Variants in PRPF4 observed in about 807,000 individuals in gnomAD.
The protein encoded by PRPF4 is U4/U6 small nuclear ribonucleoprotein Prp4.
PRPF4 carries 14 observed loss-of-function variants against 72.2 expected under a neutral mutation model. That is an observed-to-expected ratio of 0.19 (90% CI 0.13 to 0.30). The LOEUF (loss-of-function observed/expected upper bound fraction) is 0.30. Among genes scored for constraint, PRPF4 ranks in the 10% least tolerant of loss-of-function variants. PRPF4 has a pLI of 1.00. For missense variants in PRPF4, 478 were observed against 653.9 expected (o/e 0.73, Z 2.93); for synonymous variants, 225 against 232.2 (o/e 0.97, Z 0.28).
chr9:113,281,303 T>C (rs2118604618), intron 3 of PRPF4, among the ~76,000 whole-genome samples: 1 of 152,346 alleles, frequency 6.6e-6, no homozygotes, highest in African/African-American at 2.4e-5. Flanking sequence ...ATTAGCCTTT[T>C]CAAAGGGTAT....
At chr9:113,285,013 G>C (rs929087413) in intron 7 of PRPF4, among the ~76,000 whole-genome samples, 2 of 151,996 alleles carry the variant, frequency 1.3e-5, no homozygotes, top group African/African-American at 4.8e-5. Flanking sequence ...TACTTGACTA[G>C]GCTGACCTTT....
chr9:113,282,992 G>A (rs16932083), intron 4 of PRPF4, 140 bp from the exon 5 acceptor site: 108,348 of 1,479,416 alleles, frequency 0.073, 4,999 homozygotes, highest in South Asian at 0.16. Flanking sequence ...AAAAAATTCA[G>A]TAGAAAGTCC....
At chr9:113,276,479 A>G in intron 1 of PRPF4, 69 bp from the exon 2 acceptor site, 1 of 1,550,042 alleles carries the variant, frequency 6.5e-7, no homozygotes, top group African/African-American at 1.4e-5. Flanking sequence ...GGTGAGCTTC[A>G]TCCTCTGGTG....
Position 113,290,517 on chromosome 9 carries a change from G to A in PRPF4, c.1074G>A (p.Leu358=), listed in dbSNP as rs1832576684. 1 of 1,614,238 alleles carries A rather than the reference G, an allele frequency of 6.2e-7. No individual in the cohort carries two copies. The highest frequency in any genetic ancestry group is 8.5e-7 in the Non-Finnish European group (1 of 1,180,038). ...ATTTGGAGGCTCAAGAGGAGATCCT[G>A]CATCAGGAAGGCCATAGCATGGGTG... ...LWDLEAQEEI[L]HQEGHSMGVY... Residue 358 remains leucine (L), a synonymous_variant, in exon 11 of 14, where the codon CTG becomes CTA. Transcript: ENST00000374198.
intron 6 of PRPF4, among the ~76,000 whole-genome samples, chr9:113,284,054 C>G (rs1832361103): frequency 7.7e-6 from 1 of 129,266 alleles, no homozygotes; most frequent in Admixed American, 8.7e-5. Context: ...GGCAACACAG[C>G]AAGACTCTGT....
At position 113,278,870 on chromosome 9, in the gene PRPF4, A is replaced by G. The variant is rs1192793077; in HGVS notation, c.206-75A>G. 3 of 1,467,770 alleles carry G rather than the reference A, an allele frequency of 2.0e-6. No individual in the cohort carries two copies. The South Asian group carries it at 3.5e-5, about 17-fold the overall frequency. The allele number at this position is 1,467,770 out of a possible 1,614,324, so 90.9% of individuals were successfully genotyped here. Reference sequence around the variant, plus strand: ...GTTACTTTTCCCTCAGGGCATACACAGACTGCAATTACTAGAAATTATTTC... The same window carrying G: ...GTTACTTTTCCCTCAGGGCATACACGGACTGCAATTACTAGAAATTATTTC... On this transcript the variant is annotated intron_variant, in intron 2 of 13. Transcript: ENST00000374198.
Position 113,291,501 on chromosome 9 carries a change from T to A in PRPF4, c.1407T>A (p.Tyr469Ter). The part of the protein sequence containing the change: ...IHGNFLLTGA[Y>*]DNTAKIWTHP... ...GGAACTTCTTGCTTACTGGTGCCTA[T>A]GATAACACAGCCAAGATCTGGACGC... The change falls in exon 14 of 14, where the codon TAT becomes TAA. Residue 469 changes from tyrosine (Y) to a stop codon, truncating the protein, a stop_gained. Transcript: ENST00000374198. LOFTEE classifies it high-confidence loss of function. The A allele has an allele frequency of 6.2e-7, 1 of 1,614,176 alleles. No individual in the cohort carries two copies. Among genetic ancestry groups the A allele is most frequent in the Non-Finnish European group, 8.5e-7 (1 of 1,180,006 alleles).
chr9:113,291,884 G>A lies in PRPF4; in HGVS notation c.*224G>A, dbSNP rs1237371347. On this transcript the variant is annotated 3_prime_UTR_variant, in exon 14 of 14. Transcript: ENST00000374198. ...GGTTGAAAATTTATTACCTTTTTAC[G>A]CCCTGCCACGAACTGTGTAGACATT... 2.2e-5 allele frequency: 11 copies of A among 493,702 alleles called. No homozygotes were observed. The East Asian group carries it at 3.2e-4, about 15-fold the overall frequency. The allele number at this position is 493,702 out of a possible 1,614,324, so 30.6% of individuals were successfully genotyped here.
At chr9:113,280,286 T>C (rs1832238315) in intron 3 of PRPF4, among the ~76,000 whole-genome samples, 1 of 152,192 alleles carries the variant, frequency 6.6e-6, no homozygotes, top group Non-Finnish European at 1.5e-5. Context: ...TCTTTTTCTC[T>C]GCCTGCCCTT....
Position 113,286,134 on chromosome 9 carries a change from T to C in PRPF4, c.750-98T>C. 1.1e-5 allele frequency: 15 copies of C among 1,336,550 alleles called. No individual in the cohort carries two copies. In the South Asian group the frequency reaches 1.4e-4, roughly 13 times the overall value. The allele number at this position is 1,336,550 out of a possible 1,614,324, so 82.8% of individuals were successfully genotyped here. On this transcript the variant is annotated intron_variant, in intron 7 of 13. Coordinates refer to ENST00000374198, the MANE Select transcript of PRPF4 (RefSeq NM_001244926.2). Reference sequence around the variant, plus strand: ...TTTCTGTCAGCCATTGTAAAGTTTATTGGGGGTGAGAAGAGATTGTCCTTT... The same window carrying C: ...TTTCTGTCAGCCATTGTAAAGTTTACTGGGGGTGAGAAGAGATTGTCCTTT...
Position 113,277,666 on chromosome 9 carries a change from G to A in PRPF4, c.205+941G>A, listed in dbSNP as rs543837277. Among the ~76,000 whole-genome samples, 100 of 152,098 alleles carry A rather than the reference G, an allele frequency of 6.6e-4. 1 individual carries two copies. The highest frequency in any genetic ancestry group is 2.3e-3 in the African/African-American group (94 of 41,538). On this transcript the variant is annotated intron_variant, in intron 2 of 13. Coordinates refer to ENST00000374198, the MANE Select transcript of PRPF4 (RefSeq NM_001244926.2). ...CTCCCAAAGTGCTGGGATTACAGGC[G>A]TGAGCCACTGCACCTGACTGAGCTA...
intron 3 of PRPF4, among the ~76,000 whole-genome samples, chr9:113,280,193 C>T (rs897965648): frequency 6.6e-6 from 1 of 152,088 alleles, no homozygotes; most frequent in Non-Finnish European, 1.5e-5. Context: ...GAACTACTCC[C>T]TTTCCTTCAC....
chr9:113,288,961 C>T (rs183782522), intron 10 of PRPF4, among the ~76,000 whole-genome samples: 7 of 152,216 alleles, frequency 4.6e-5, no homozygotes, highest in Admixed American at 3.3e-4. Context: ...TCTTTACAAA[C>T]GCGTACCATT....
At chr9:113,279,884 A>G (rs1035160356) in intron 3 of PRPF4, among the ~76,000 whole-genome samples, 2 of 152,210 alleles carry the variant, frequency 1.3e-5, no homozygotes, top group Admixed American at 6.5e-5. Flanking sequence ...TCCTCAGATA[A>G]TGCCCTCTTG....
intron 6 of PRPF4, 148 bp from the exon 7 acceptor site, chr9:113,284,147 C>G: frequency 3.6e-6 from 2 of 551,026 alleles, no homozygotes; most frequent in Non-Finnish European, 6.4e-6. Context: ...TATGTGTCTT[C>G]TAACAGCAGC....
rs758990735 is a variant in PRPF4, at chr9:113,278,925, GC to G, written c.206-18del. The G allele has an allele frequency of 1.2e-6, 2 of 1,611,942 alleles. No individual in the cohort carries two copies. The highest frequency in any genetic ancestry group is 2.7e-5 in the African/African-American group (2 of 74,882). On this transcript the variant is annotated intron_variant, in intron 2 of 13. Transcript: ENST00000374198. Reference sequence around the variant, plus strand: ...TATTTGAAGAAGATCTGCTGATGTTGCCTGTTTTCTTTTTAATAGGAGAAGT... The same window carrying G: ...TATTTGAAGAAGATCTGCTGATGTTGCTGTTTTCTTTTTAATAGGAGAAGT...
chr9:113,284,500 T>A (rs17764013), intron 7 of PRPF4, 111 bp downstream of exon 7: 168,816 of 870,190 alleles, frequency 0.19, 18,047 homozygotes, highest in Non-Finnish European at 0.22. Flanking sequence ...CTGCTTCTCA[T>A]GATCACACCA....
rs771197676 is a variant in PRPF4, at chr9:113,291,671, G to T, written c.*11G>T. 6.2e-7 allele frequency: 1 copy of T among 1,612,974 alleles called. No individual in the cohort carries two copies. Among genetic ancestry groups the T allele is most frequent in the Non-Finnish European group, 8.5e-7 (1 of 1,179,120 alleles). ...TGGATGGCTGAATAGATGACAATGG[G>T]AAAAGGACTTGAACCTCAAGCTCTC... On this transcript the variant is annotated 3_prime_UTR_variant, in exon 14 of 14. Coordinates refer to ENST00000374198, the MANE Select transcript of PRPF4 (RefSeq NM_001244926.2).
chr9:113,291,633 G>T lies in PRPF4; in HGVS notation c.1539G>T (p.Arg513Ser). 1 of 1,614,194 alleles carries T rather than the reference G, an allele frequency of 6.2e-7. No homozygotes were observed. The highest frequency in any genetic ancestry group is 8.5e-7 in the Non-Finnish European group (1 of 1,180,030). Residue 513 changes from arginine (R) to serine (S), a missense_variant, in exon 14 of 14, where the codon AGG (arginine) becomes AGT (serine). Transcript: ENST00000374198. ...GQLIATCSYD[R>S]TFKLWMAE ...TCATAGCCACTTGCTCATATGACAG[G>T]ACCTTCAAGCTGTGGATGGCTGAAT... is the stretch of plus-strand genomic sequence containing the variant.
Sources: allele counts gnomAD v4.1 joint callset (sites outside exome capture counted in the v4.1 genomes callset), GRCh38; gene constraint gnomAD v4.1.1; transcripts MANE v1.5; gene names NCBI Gene and HGNC (gene_info 2026-07-23, HGNC 2026-07-21).